KPNA6: variants seen among roughly 807,000 people sequenced by gnomAD.
KPNA6 encodes importin subunit alpha-7.
Under a neutral mutation model 72.0 loss-of-function variants are expected in KPNA6, and 9 were observed. The observed-to-expected ratio is 0.13, with a 90% CI of 0.08 to 0.22. KPNA6 has a LOEUF of 0.22. Among genes scored for constraint, KPNA6 ranks in the 10% least tolerant of loss-of-function variants. KPNA6 has a pLI of 1.00. For missense variants in KPNA6, 374 were observed against 655.7 expected, an observed-to-expected ratio of 0.57 and a Z score of 4.69; for synonymous variants, 219 against 242.1, an observed-to-expected ratio of 0.90 and a Z score of 0.89.
Position 32,171,136 on chromosome 1 carries a change from C to G in KPNA6, c.*242C>G, listed in dbSNP as rs577138192. 3.9e-6 allele frequency: 2 copies of G among 515,532 alleles called. No individual in the cohort carries two copies. The highest frequency in any genetic ancestry group is 6.1e-5 in the East Asian group (2 of 32,708). The allele number at this position is 515,532 out of a possible 1,614,324, so 31.9% of individuals were successfully genotyped here. A position where few individuals can be genotyped will look rare whatever the true frequency, so the allele number is the denominator to read the frequency against. ...GAAGGGGACGTGTTGGGTTTTTCTT[C>G]CTTACACTATATTTTGGCTGCACAC... is the stretch of plus-strand genomic sequence containing the variant. On this transcript the variant is annotated 3_prime_UTR_variant, in exon 14 of 14. Coordinates refer to ENST00000373625, the MANE Select transcript of KPNA6 (RefSeq NM_012316.5).
Position 32,166,254 on chromosome 1 carries a change from G to T in KPNA6, c.1116+24G>T, listed in dbSNP as rs765351951. 3.1e-5 allele frequency: 50 copies of T among 1,601,416 alleles called. No individual in the cohort carries two copies. The Middle Eastern group carries it at 1.5e-3, about 48-fold the overall frequency. On this transcript the variant is annotated intron_variant, in intron 11 of 13. Transcript: ENST00000373625. ...AGGTAAAACAGGCAGGGAAGTCAAGGGGCATGGGAAGTCATAGGAACTTGG... is the reference window on the plus strand; with the variant it reads ...AGGTAAAACAGGCAGGGAAGTCAAGTGGCATGGGAAGTCATAGGAACTTGG...
chr1:32,131,659 C>A (rs561701220), intron 1 of KPNA6, among the ~76,000 whole-genome samples: 2 of 150,884 alleles, frequency 1.3e-5, no homozygotes, highest in South Asian at 4.2e-4. Flanking sequence ...TATATATACA[C>A]ACACAACAAA....
chr1:32,154,477 T>C, intron 1 of KPNA6, 111 bp from the exon 2 acceptor site: 1 of 1,133,546 alleles, frequency 8.8e-7, no homozygotes, highest in Non-Finnish European at 1.3e-6. Flanking sequence ...CCCAGAGAGC[T>C]GTATTCCCCC....
chr1:32,112,346 G>A (rs1188269347), intron 1 of KPNA6, among the ~76,000 whole-genome samples: 1 of 152,158 alleles, frequency 6.6e-6, no homozygotes, highest in East Asian at 1.9e-4. Context: ...GGCAAGTTTG[G>A]TTCCAGACCA....
chr1:32,112,579 G>A lies in KPNA6; in HGVS notation c.4+4445G>A, dbSNP rs186235499. Among the ~76,000 whole-genome samples the A allele has an allele frequency of 3.5e-3, 531 of 152,080 alleles. 1 individual carries two copies. Among genetic ancestry groups the A allele is most frequent in the African/African-American group, 0.011 (468 of 41,484 alleles). ...GTGATCTCGGCTCACTGCAACCTCC[G>A]CTTCCTGGGTTCAAACCATTCTCCT... is the stretch of plus-strand genomic sequence containing the variant. On this transcript the variant is annotated intron_variant, in intron 1 of 13. Coordinates refer to ENST00000373625, the MANE Select transcript of KPNA6 (RefSeq NM_012316.5).
Position 32,173,053 on chromosome 1 carries a change from AT to A in KPNA6, c.*2160del. 2.5e-6 allele frequency: 1 copy of A among 397,546 alleles called. No homozygotes were observed. Among genetic ancestry groups the A allele is most frequent in the Non-Finnish European group, 4.4e-6 (1 of 225,856 alleles). 24.6% of individuals were successfully genotyped at this position (397,546 alleles called of 1,614,324 possible). A position where few individuals can be genotyped will look rare whatever the true frequency, so the allele number is the denominator to read the frequency against. ...ATGTTGTACCACCTTGGTGAGTCAT[AT>A]GCCACTCATCAGCTTGGGAATGATG... On this transcript the variant is annotated 3_prime_UTR_variant, in exon 14 of 14. Transcript: ENST00000373625.
At position 32,167,301 on chromosome 1, in the gene KPNA6, T is replaced by C; in HGVS notation, c.1244+5T>C. 6.2e-7 allele frequency: 1 copy of C among 1,613,990 alleles called. No individual in the cohort carries two copies. ...AGGAACCCCTGAGCAGATCAGGTAT[T>C]ACATTCCTTTCCCGTTGTCTTGAAT... is the stretch of plus-strand genomic sequence containing the variant. On this transcript the variant is annotated splice_donor_5th_base_variant and intron_variant, in intron 12 of 13. Transcript: ENST00000373625.
At chr1:32,155,479 G>A (rs576528685) in intron 2 of KPNA6, among the ~76,000 whole-genome samples, 4 of 151,470 alleles carry the variant, frequency 2.6e-5, no homozygotes, top group East Asian at 3.9e-4. Flanking sequence ...GTACCACCAC[G>A]TCCAATTAAC....
intron 1 of KPNA6, 43 bp from the exon 2 acceptor site, chr1:32,154,545 T>C (rs1642100202): frequency 1.2e-6 from 2 of 1,600,778 alleles, no homozygotes; most frequent in Admixed American, 1.7e-5. Context: ...AAGGAAATGC[T>C]GTCCTCTCAA....
rs970999676 is a variant in KPNA6, at chr1:32,173,525, A to G, written c.*2631A>G. The G allele has an allele frequency of 1.2e-5, 2 of 160,952 alleles. No homozygotes were observed. The highest frequency in any genetic ancestry group is 2.7e-5 in the Non-Finnish European group (2 of 74,138). 10.0% of individuals were successfully genotyped at this position (160,952 alleles called of 1,614,324 possible). ...AAGTGGCCTCCAGGAGCTTTCATTT[A>G]TGTCTTCTCCAGACCAGGTTTTCCT... On this transcript the variant is annotated 3_prime_UTR_variant, in exon 14 of 14. Coordinates refer to ENST00000373625, the MANE Select transcript of KPNA6 (RefSeq NM_012316.5).
intron 1 of KPNA6, among the ~76,000 whole-genome samples, chr1:32,115,220 C>T (rs555461914): frequency 2.0e-5 from 3 of 151,992 alleles, no homozygotes; most frequent in South Asian, 2.1e-4. Flanking sequence ...ACTACAAGCT[C>T]GGCCTCCCGG....
At chr1:32,133,665 C>CA in intron 1 of KPNA6, among the ~76,000 whole-genome samples, 1 of 152,126 alleles carries the variant, frequency 6.6e-6, no homozygotes, top group South Asian at 2.1e-4. Context: ...GCCTGTATGA[C>CA]AGAGCAAAAA....
intron 9 of KPNA6, among the ~76,000 whole-genome samples, chr1:32,163,028 C>G (rs1488328638): frequency 7.0e-6 from 1 of 141,946 alleles, no homozygotes; most frequent in Non-Finnish European, 1.5e-5. Flanking sequence ...GGCGTGAACC[C>G]GGGAGGCAGA....
chr1:32,145,814 T>G (rs2124030522), intron 1 of KPNA6, among the ~76,000 whole-genome samples: 1 of 152,316 alleles, frequency 6.6e-6, no homozygotes, highest in South Asian at 2.1e-4. Context: ...TACCACACTG[T>G]TTTAATTACT....
intron 1 of KPNA6, among the ~76,000 whole-genome samples, chr1:32,139,094 G>A (rs1447231295): frequency 1.3e-5 from 2 of 152,048 alleles, no homozygotes; most frequent in Admixed American, 1.3e-4. Context: ...TTGTGGCTAG[G>A]CCTTGTGTCT....
chr1:32,135,901 A>C (rs541798571), intron 1 of KPNA6, among the ~76,000 whole-genome samples: 1 of 152,216 alleles, frequency 6.6e-6, no homozygotes, highest in African/African-American at 2.4e-5. Flanking sequence ...ATGGTTTAGG[A>C]ATTACATCTC....
intron 1 of KPNA6, among the ~76,000 whole-genome samples, chr1:32,113,526 C>T (rs1258798263): frequency 1.3e-5 from 2 of 152,172 alleles, no homozygotes; most frequent in African/African-American, 2.4e-5. Context: ...ATCAACAGCT[C>T]ACTACAGCCT....
chr1:32,166,069 AT>A (rs1642332542), intron 10 of KPNA6, 35 bp from the exon 11 acceptor site: 4 of 1,564,988 alleles, frequency 2.6e-6, no homozygotes, highest in Non-Finnish European at 3.4e-6. Context: ...AAACAGTTTA[AT>A]TTTTCTTTTG....
chr1:32,119,334 C>T (rs1389612770), intron 1 of KPNA6, among the ~76,000 whole-genome samples: 6 of 151,684 alleles, frequency 4.0e-5, no homozygotes, highest in Non-Finnish European at 2.9e-5. Flanking sequence ...CCCAGCCAGG[C>T]CCTACATTAA....
Sources: allele counts gnomAD v4.1 joint callset (sites outside exome capture counted in the v4.1 genomes callset), GRCh38; gene constraint gnomAD v4.1.1; transcripts MANE v1.5; gene names NCBI Gene and HGNC (gene_info 2026-07-23, HGNC 2026-07-21).